Variants in KCNIP4 observed in about 807,000 individuals in gnomAD.
KCNIP4 encodes the protein Kv channel-interacting protein 4.
In KCNIP4, 12 loss-of-function variants were observed where a neutral mutation model predicts 34.0. That is an observed-to-expected ratio of 0.35 (90% CI 0.23 to 0.57). The LOEUF is 0.57. Among genes scored for constraint, KCNIP4 ranks in the 20% least tolerant of loss-of-function variants. KCNIP4 has a pLI of 0.83. For synonymous variants in KCNIP4, 124 were observed against 102.2 expected (o/e 1.21, Z -1.29); for missense variants, 238 against 311.7 (o/e 0.76, Z 1.78).
At position 20,791,410 on chromosome 4, in the gene KCNIP4, T is replaced by C. The variant is rs533552656; in HGVS notation, c.289-32520A>G. Among the ~76,000 whole-genome samples the C allele has an allele frequency of 7.2e-5, 11 of 152,290 alleles. No individual in the cohort carries two copies. The South Asian group carries it at 2.3e-3, about 32-fold the overall frequency. On this transcript the variant is annotated intron_variant, in intron 3 of 8. Coordinates refer to ENST00000382152, the MANE Select transcript of KCNIP4 (RefSeq NM_025221.6). Reference sequence around the variant, plus strand: ...GTAAATAAAATATTTGTCTTTATTATTTAAATATCCTTAAGAGATAACCAA... The same window carrying C: ...GTAAATAAAATATTTGTCTTTATTACTTAAATATCCTTAAGAGATAACCAA...
chr4:21,498,730 C>G (rs1903321), intron 1 of KCNIP4, among the ~76,000 whole-genome samples: 5,768 of 152,146 alleles, frequency 0.038, 333 homozygotes, highest in African/African-American at 0.12. Flanking sequence ...CTGTTGACAC[C>G]AAAACCAGTT....
intron 1 of KCNIP4, among the ~76,000 whole-genome samples, chr4:21,889,559 G>C (rs1197147454): frequency 6.6e-6 from 1 of 152,102 alleles, no homozygotes; most frequent in East Asian, 1.9e-4. Flanking sequence ...TAATACACAA[G>C]GGAGGCCAGA....
intron 1 of KCNIP4, among the ~76,000 whole-genome samples, chr4:21,719,225 A>T (rs1227721543): frequency 6.6e-6 from 1 of 152,212 alleles, no homozygotes; most frequent in Non-Finnish European, 1.5e-5. Context: ...GGAAAAGGAG[A>T]CAGAAAGAAA....
intron 1 of KCNIP4, among the ~76,000 whole-genome samples, chr4:21,566,071 C>A (rs1160546434): frequency 6.6e-6 from 1 of 152,140 alleles, no homozygotes; most frequent in Non-Finnish European, 1.5e-5. Context: ...GAGCAACAGT[C>A]ACATACAGGA....
At chr4:21,177,757 A>C (rs1211193228) in intron 1 of KCNIP4, among the ~76,000 whole-genome samples, 1 of 151,736 alleles carries the variant, frequency 6.6e-6, no homozygotes. Context: ...CTGAGGCAGG[A>C]GAATGGCTTG....
chr4:20,983,819 G>GA, intron 1 of KCNIP4: 1 of 1,536,280 alleles, frequency 6.5e-7, no homozygotes, highest in Non-Finnish European at 8.7e-7. Context: ...TTTACCTTCC[G>GA]AAAAATCAAT....
At chr4:20,909,834 C>T (rs986304242) in intron 1 of KCNIP4, among the ~76,000 whole-genome samples, 1 of 152,124 alleles carries the variant, frequency 6.6e-6, no homozygotes, top group African/African-American at 2.4e-5. Context: ...GTACATCCTT[C>T]TCTCTTACTT....
intron 1 of KCNIP4, among the ~76,000 whole-genome samples, chr4:21,927,174 T>A (rs1005075297): frequency 1.3e-5 from 2 of 152,102 alleles, no homozygotes; most frequent in African/African-American, 4.8e-5. Flanking sequence ...CTGACCACAG[T>A]AGGAAAGGAT....
intron 1 of KCNIP4, among the ~76,000 whole-genome samples, chr4:21,270,084 A>G (rs1762049167): frequency 6.6e-6 from 1 of 152,218 alleles, no homozygotes; most frequent in African/African-American, 2.4e-5. Flanking sequence ...GGAGCATTTC[A>G]TACTCTAGGT....
intron 1 of KCNIP4, chr4:20,916,320 T>C (rs1300806179): frequency 1.0e-6 from 1 of 981,968 alleles, no homozygotes. Context: ...TAGAAGTGTT[T>C]ACCTCTTTGC....
intron 1 of KCNIP4, among the ~76,000 whole-genome samples, chr4:21,064,339 A>G (rs914384147): frequency 6.6e-6 from 1 of 152,060 alleles, no homozygotes; most frequent in Middle Eastern, 3.2e-3. Flanking sequence ...GTTCAAAGGG[A>G]ATGCTTTATG....
intron 1 of KCNIP4, among the ~76,000 whole-genome samples, chr4:21,092,713 G>C (rs894478452): frequency 6.6e-6 from 1 of 152,172 alleles, no homozygotes; most frequent in Non-Finnish European, 1.5e-5. Flanking sequence ...CAGATGAGGG[G>C]CAGGGAGCAT....
chr4:20,799,567 C>T (rs1204421440), intron 3 of KCNIP4, among the ~76,000 whole-genome samples: 1 of 152,288 alleles, frequency 6.6e-6, no homozygotes, highest in East Asian at 1.9e-4. Context: ...AGATGTCCCA[C>T]CTTTCCAGGG....
At chr4:21,194,067 T>C (rs1755877043) in intron 1 of KCNIP4, among the ~76,000 whole-genome samples, 1 of 152,080 alleles carries the variant, frequency 6.6e-6, no homozygotes, top group Non-Finnish European at 1.5e-5. Flanking sequence ...TTATGAACAA[T>C]AGAATGGCAC....
At chr4:20,816,122 G>A (rs1444999566) in intron 3 of KCNIP4, among the ~76,000 whole-genome samples, 1 of 151,948 alleles carries the variant, frequency 6.6e-6, no homozygotes, top group South Asian at 2.1e-4. Flanking sequence ...GCATGGTGGT[G>A]CACACCTGTA....
At chr4:21,297,811 C>CAAA (rs367781855) in intron 1 of KCNIP4, among the ~76,000 whole-genome samples, 1 of 145,592 alleles carries the variant, frequency 6.9e-6, no homozygotes, top group African/African-American at 2.5e-5. Context: ...GAGCTAGAAG[C>CAAA]AAAAAAAAAA....
intron 1 of KCNIP4, among the ~76,000 whole-genome samples, chr4:21,093,752 T>C (rs1304305058): frequency 6.6e-6 from 1 of 152,022 alleles, no homozygotes; most frequent in Non-Finnish European, 1.5e-5. Flanking sequence ...GAAATATAAA[T>C]TGAGAATAGG....
intron 1 of KCNIP4, among the ~76,000 whole-genome samples, chr4:21,254,429 T>A (rs1352081082): frequency 6.6e-6 from 1 of 152,206 alleles, no homozygotes. Context: ...ATATTCCCAG[T>A]CTTCACTGCA....
At chr4:21,570,002 C>T (rs899768340) in intron 1 of KCNIP4, among the ~76,000 whole-genome samples, 1 of 151,966 alleles carries the variant, frequency 6.6e-6, no homozygotes, top group Non-Finnish European at 1.5e-5. Flanking sequence ...GGTAAAGTGA[C>T]ATCAGGGCTA....
Sources: allele counts gnomAD v4.1 joint callset (sites outside exome capture counted in the v4.1 genomes callset), GRCh38; gene constraint gnomAD v4.1.1; transcripts MANE v1.5; gene names NCBI Gene and HGNC (gene_info 2026-07-23, HGNC 2026-07-21).